KSR1: variants seen among roughly 807,000 people sequenced by gnomAD.
The protein encoded by KSR1 is kinase suppressor of ras 1, also known as kinase suppressor of ras.
In KSR1, 35 loss-of-function variants were observed where a neutral mutation model predicts 92.9. The observed-to-expected ratio is 0.38, with a 90% CI of 0.29 to 0.50. KSR1 has a LOEUF of 0.50. KSR1 is among the 20% of genes least tolerant of loss of function. The pLI is 0.94. For synonymous variants in KSR1, 467 were observed against 472.6 expected, an observed-to-expected ratio of 0.99 and a Z score of 0.15; for missense variants, 972 against 1,158.5, an observed-to-expected ratio of 0.84 and a Z score of 2.34.
At chr17:27,520,165 C>T (rs966134760) in intron 1 of KSR1, among the ~76,000 whole-genome samples, 1 of 152,188 alleles carries the variant, frequency 6.6e-6, no homozygotes, top group African/African-American at 2.4e-5. Flanking sequence ...AAATGAGTTT[C>T]GGAGAGTTTC....
At chr17:27,599,361 C>T (rs934539840) in intron 10 of KSR1, among the ~76,000 whole-genome samples, 2 of 152,206 alleles carry the variant, frequency 1.3e-5, no homozygotes, top group African/African-American at 4.8e-5. Context: ...AGTTCAAGAC[C>T]AGCCTGGCCA....
In KSR1 at chr17:27,526,832, G is replaced by C. The variant is rs1053604163; in HGVS notation, c.232-23736G>C. On this transcript the variant is annotated intron_variant, in intron 1 of 20. Transcript: ENST00000644974. ...GGCGTGGTATTTGGGCTCCTCCTCC[G>C]GGGGGAGGGGTGGAAGGAGTGCTCT... 2.3e-4 allele frequency: 173 copies of C among 762,850 alleles called. 1 individual carries two copies. The highest frequency in any genetic ancestry group is 7.4e-5 in the Non-Finnish European group (33 of 448,748). 47.3% of individuals were successfully genotyped at this position (762,850 alleles called of 1,614,324 possible). A position where few individuals can be genotyped will look rare whatever the true frequency, so the allele number is the denominator to read the frequency against.
chr17:27,577,484 C>G lies in KSR1; in HGVS notation c.373-8C>G, dbSNP rs371177147. ...ACCGCCTCTCTGCCTGTCCCTCTGTCCCCTTAGGAGATCCCCCGAGACCTC... is the reference window on the plus strand; with the variant it reads ...ACCGCCTCTCTGCCTGTCCCTCTGTGCCCTTAGGAGATCCCCCGAGACCTC... On this transcript the variant is annotated splice_region_variant and splice_polypyrimidine_tract_variant and intron_variant, in intron 2 of 20. Transcript: ENST00000644974. This position sits in a 1 kb window ranked among gnomAD's most constrained non-coding sequence, Gnocchi z 4.5. 6.4e-5 allele frequency: 96 copies of G among 1,491,954 alleles called. No homozygotes were observed. Among genetic ancestry groups the G allele is most frequent in the Non-Finnish European group, 8.1e-5 (89 of 1,095,754 alleles). The allele number at this position is 1,491,954 out of a possible 1,614,324, so 92.4% of individuals were successfully genotyped here. A position where few individuals can be genotyped will look rare whatever the true frequency, so the allele number is the denominator to read the frequency against.
intron 2 of KSR1, among the ~76,000 whole-genome samples, chr17:27,551,358 G>A (rs1187661257): frequency 6.6e-6 from 1 of 152,142 alleles, no homozygotes; most frequent in Non-Finnish European, 1.5e-5. Context: ...ATGGAGTGCG[G>A]ATTAGTCCTA....
intron 1 of KSR1, among the ~76,000 whole-genome samples, chr17:27,530,449 GAA>G (rs199639766): frequency 1.4e-5 from 2 of 145,392 alleles, no homozygotes; most frequent in African/African-American, 5.1e-5. Flanking sequence ...TGTCTCAAAA[GAA>G]AAAAAAAAGA....
chr17:27,458,405 T>C lies in KSR1; in HGVS notation c.231+1531T>C, dbSNP rs146821588. Among the ~76,000 whole-genome samples, 370 of 152,296 alleles carry C rather than the reference T, an allele frequency of 2.4e-3. 1 individual carries two copies. The highest frequency in any genetic ancestry group is 4.1e-3 in the Non-Finnish European group (277 of 68,022). ...CGGTGTTGCTGGGCTTGGAGAATGCTCTCTGTGTTGGCCTCTGTGGGATTG... is the reference window on the plus strand; with the variant it reads ...CGGTGTTGCTGGGCTTGGAGAATGCCCTCTGTGTTGGCCTCTGTGGGATTG... On this transcript the variant is annotated intron_variant, in intron 1 of 20. Transcript: ENST00000644974.
chr17:27,487,381 G>A (rs2068697324), intron 1 of KSR1, among the ~76,000 whole-genome samples: 1 of 152,164 alleles, frequency 6.6e-6, no homozygotes, highest in African/African-American at 2.4e-5. Flanking sequence ...GTTGCCATGA[G>A]CCGAGATCGC....
intron 1 of KSR1, among the ~76,000 whole-genome samples, chr17:27,472,256 C>T (rs558196911): frequency 1.3e-4 from 20 of 152,286 alleles, no homozygotes; most frequent in Non-Finnish European, 2.4e-4. Context: ...GGTTTCTTCC[C>T]GTAGGATGGG....
chr17:27,623,337 C>T lies in KSR1; in HGVS notation c.2732C>T (p.Pro911Leu), dbSNP rs1311578036. ...EEYINSSKVVPRFERFGLGVL... is the reference protein window; with the variant it reads ...EEYINSSKVVLRFERFGLGVL... Reference sequence around the variant, plus strand: ...AGCATTAACAGCAGCAAAGTTGTACCCCGGTTTGAAAGGTTTGGCTTGGGC... The same window carrying T: ...AGCATTAACAGCAGCAAAGTTGTACTCCGGTTTGAAAGGTTTGGCTTGGGC... The change falls in exon 21 of 21, where the codon CCC becomes CTC. Residue 911 changes from proline (P) to leucine (L), a missense_variant. Transcript: ENST00000644974. 5.2e-6 allele frequency: 4 copies of T among 765,088 alleles called. No individual in the cohort carries two copies. In the Admixed American group the frequency reaches 6.8e-5, roughly 13 times the overall value. 47.4% of individuals were successfully genotyped at this position (765,088 alleles called of 1,614,324 possible). A position where few individuals can be genotyped will look rare whatever the true frequency, so the allele number is the denominator to read the frequency against.
chr17:27,600,331 T>C (rs779064536), intron 10 of KSR1, among the ~76,000 whole-genome samples: 1 of 151,954 alleles, frequency 6.6e-6, no homozygotes, highest in African/African-American at 2.4e-5. Flanking sequence ...TCCCAGCTAT[T>C]TGGGAGGCTG....
At chr17:27,569,833 C>G (rs2072235490) in intron 2 of KSR1, among the ~76,000 whole-genome samples, 1 of 152,186 alleles carries the variant, frequency 6.6e-6, no homozygotes, top group South Asian at 2.1e-4. Flanking sequence ...TTTGCCTATT[C>G]TCACACTATG....
At chr17:27,621,145 G>T in intron 19 of KSR1, 48 bp from the exon 20 acceptor site, 2 of 398,630 alleles carry the variant, frequency 5.0e-6, no homozygotes, top group Non-Finnish European at 8.8e-6. Flanking sequence ...GCCGGGGCCG[G>T]ACTGCGCTCT....
chr17:27,563,292 G>GT (rs946913731), intron 2 of KSR1, among the ~76,000 whole-genome samples: 7 of 150,946 alleles, frequency 4.6e-5, no homozygotes, highest in Non-Finnish European at 7.4e-5. Flanking sequence ...TTCCTTTTCT[G>GT]TTTTTTTGCT....
At chr17:27,524,284 A>G (rs972108168) in intron 1 of KSR1, among the ~76,000 whole-genome samples, 26 of 152,014 alleles carry the variant, frequency 1.7e-4, no homozygotes, top group African/African-American at 6.3e-4. Context: ...GGTGGGAGTG[A>G]GAACATGGAC....
Position 27,456,558 on chromosome 17 carries a change from C to T in KSR1, c.-86C>T, listed in dbSNP as rs112995015. Reference sequence around the variant, plus strand: ...GGCAGCGCCGAGGGGCGCTCCTGGTCCAGCTCTCCTGGCTCGGGGGTTCCT... The same window carrying T: ...GGCAGCGCCGAGGGGCGCTCCTGGTTCAGCTCTCCTGGCTCGGGGGTTCCT... On this transcript the variant is annotated 5_prime_UTR_variant, in exon 1 of 21. Transcript: ENST00000644974. 0.41 allele frequency: 180,492 copies of T among 437,872 alleles called. 39,530 individuals are homozygous for T. The highest frequency in any genetic ancestry group is 0.71 in the East Asian group (18,743 of 26,462). The allele number at this position is 437,872 out of a possible 1,614,324, so 27.1% of individuals were successfully genotyped here.
rs560169479 is a variant in KSR1, at chr17:27,592,568, C to T, written c.1241C>T (p.Pro414Leu). Residue 414 changes from proline (P) to leucine (L), a missense_variant, in exon 9 of 21, where the codon CCG becomes CTG. Around this residue, in one of 5 missense-constraint regions of KSR1, gnomAD observed 611 missense variants for 668.0 expected, o/e 0.91. Coordinates refer to ENST00000644974, the MANE Select transcript of KSR1 (RefSeq NM_001394583.1). ...TESVPSDINN[P>L]VDRAAEPHFG... is the part of the protein sequence containing the mutation. ...TCTGTCCCCTCGGACATCAACAACC[C>T]GGTGGACAGAGCAGCCGAACCCCAT... is the stretch of plus-strand genomic sequence containing the variant. 16 of 1,613,954 alleles carry T rather than the reference C, an allele frequency of 9.9e-6. No homozygotes were observed. Among genetic ancestry groups the T allele is most frequent in the Middle Eastern group, 1.7e-4 (1 of 6,060 alleles).
chr17:27,609,466 C>A, intron 16 of KSR1, 137 bp downstream of exon 16: 3 of 1,113,270 alleles, frequency 2.7e-6, no homozygotes, highest in Non-Finnish European at 3.9e-6. Context: ...TTGGTCCTGC[C>A]CTCGTAGTTC....
chr17:27,609,091 A>G, intron 15 of KSR1, 105 bp from the exon 16 acceptor site: 1 of 1,313,564 alleles, frequency 7.6e-7, no homozygotes, highest in Admixed American at 2.2e-5. Flanking sequence ...AATATACTGC[A>G]TGGAATTGTG....
At chr17:27,601,957 C>T (rs2073579141) in intron 11 of KSR1, 14 of 1,599,910 alleles carry the variant, frequency 8.8e-6, no homozygotes, top group Admixed American at 1.7e-5. Context: ...AAAACGCTTT[C>T]AGTAAGTCAA....
Sources: gnomAD v4.1 joint callset for allele counts (sites outside exome capture counted in the v4.1 genomes callset) on GRCh38, gnomAD v4.1.1 for gene constraint, gnomAD v4.1.1 regional missense constraint, Gnocchi (gnomAD v3.1) non-coding constraint, MANE v1.5 for transcripts, NCBI Gene and HGNC (gene_info 2026-07-23, HGNC 2026-07-21) for gene names.